The following DECR2 variants were observed in gnomAD, a reference collection of about 807,000 sequenced individuals.
DECR2 encodes 2,4-dienoyl-CoA reductase 2.
Under a neutral mutation model 29.2 loss-of-function variants are expected in DECR2, and 34 were observed. The observed-to-expected ratio is 1.16, with a 90% confidence interval of 0.89 to 1.55. The LOEUF (loss-of-function observed/expected upper bound fraction) is 1.55. Ranked by LOEUF, DECR2 falls within the 40% of genes most tolerant of loss-of-function variation. DECR2 has a pLI of 0.00. For synonymous variants in DECR2, 224 were observed against 182.7 expected (o/e 1.23, Z -1.82); for missense variants, 485 against 425.3 (o/e 1.14, Z -1.23).
Position 407,575 on chromosome 16 carries a change from A to G in DECR2, c.337+15A>G. The G allele has an allele frequency of 6.2e-7, 1 of 1,613,232 alleles. No individual in the cohort carries two copies. The highest frequency in any genetic ancestry group is 1.1e-5 in the South Asian group (1 of 91,032). On this transcript the variant is annotated intron_variant, in intron 4 of 8. Coordinates refer to ENST00000219481, the MANE Select transcript of DECR2 (RefSeq NM_020664.4). Reference sequence around the variant, plus strand: ...TCTCATTAACTGTGAGTCGGTGCTGAGTGAGGTTGGTGGCTTCTCACAGGT... The same window carrying G: ...TCTCATTAACTGTGAGTCGGTGCTGGGTGAGGTTGGTGGCTTCTCACAGGT...
Position 410,007 on chromosome 16 carries a change from G to A in DECR2, c.338-236G>A. Reference sequence around the variant, plus strand: ...CACCCCATTTCCAAACAAGGCCACAGTCGCAGGTACGGAGCCAGGGCTTCA... The same window carrying A: ...CACCCCATTTCCAAACAAGGCCACAATCGCAGGTACGGAGCCAGGGCTTCA... On this transcript the variant is annotated intron_variant, in intron 4 of 8. Coordinates refer to ENST00000219481, the MANE Select transcript of DECR2 (RefSeq NM_020664.4). This position sits in a 1 kb window ranked among gnomAD's most constrained non-coding sequence, Gnocchi z 4.1. 1 of 546,082 alleles carries A rather than the reference G, an allele frequency of 1.8e-6. No individual in the cohort carries two copies. Among genetic ancestry groups the A allele is most frequent in the East Asian group, 3.0e-5 (1 of 33,642 alleles). The allele number at this position is 546,082 out of a possible 1,614,324, so 33.8% of individuals were successfully genotyped here. A position where few individuals can be genotyped will look rare whatever the true frequency, so the allele number is the denominator to read the frequency against.
At position 410,775 on chromosome 16, in the gene DECR2, G is replaced by A; in HGVS notation, c.547G>A (p.Ala183Thr). ...ALQVHAGSAK[A>T]AVDAMTRHLA... ...CCAGGTGCATGCAGGCTCCGCCAAG[G>A]CCGCTGTGGGTATGACCACCCCCCC... The change falls in exon 6 of 9, where the codon GCC becomes ACC. Residue 183 changes from alanine to threonine, a missense_variant. By Grantham distance (58) the Ala-to-Thr change is moderately conservative. Coordinates refer to ENST00000219481, the MANE Select transcript of DECR2 (RefSeq NM_020664.4). This position sits in a 1 kb window ranked among gnomAD's most constrained non-coding sequence, Gnocchi z 4.1. 6.3e-7 allele frequency: 1 copy of A among 1,596,634 alleles called. No individual in the cohort carries two copies. Among genetic ancestry groups the A allele is most frequent in the Non-Finnish European group, 8.5e-7 (1 of 1,173,336 alleles).
intron 1 of DECR2, chr16:403,101 C>A: frequency 2.3e-6 from 2 of 879,948 alleles, no homozygotes; most frequent in Non-Finnish European, 2.7e-6. Flanking sequence ...TGGGTTGAAG[C>A]AATTCTCCTG....
chr16:407,733 T>C (rs1421788555), intron 4 of DECR2, among the ~76,000 whole-genome samples, 173 bp downstream of exon 4: 2 of 151,700 alleles, frequency 1.3e-5, no homozygotes, highest in African/African-American at 2.4e-5. Flanking sequence ...TCCGGCCCCC[T>C]GTCTCCGGCC....
chr16:410,741 G>A lies in DECR2; in HGVS notation c.513G>A (p.Gly171=). The part of the protein sequence containing the change: ...VNITATLGNR[G]QALQVHAGSA... ...TCACTGCCACCCTGGGGAACCGGGG[G>A]CAGGCGCTCCAGGTGCATGCAGGCT... The change falls in exon 6 of 9, where the codon GGG becomes GGA. Residue 171 remains glycine (G), a synonymous_variant. Coordinates refer to ENST00000219481, the MANE Select transcript of DECR2 (RefSeq NM_020664.4). The surrounding 1 kb of genome is among the most constrained non-coding windows in gnomAD (Gnocchi z 4.1). 4.4e-6 allele frequency: 7 copies of A among 1,607,724 alleles called. No individual in the cohort carries two copies. Among genetic ancestry groups the A allele is most frequent in the Non-Finnish European group, 5.9e-6 (7 of 1,178,732 alleles).
Position 411,585 on chromosome 16 carries a change from T to TA in DECR2, c.*8dup. On this transcript the variant is annotated splice_region_variant and intron_variant, in intron 8 of 8. Transcript: ENST00000219481. The stretch of plus-strand genomic sequence containing the variant: ...CTTCTCTGCTAAGCTCTAGGTGAGG[T>TA]ACTGCTCCCGCTTCTTGGGGTCATC... 2 of 1,604,906 alleles carry TA rather than the reference T, an allele frequency of 1.2e-6. No homozygotes were observed. The highest frequency in any genetic ancestry group is 8.5e-7 in the Non-Finnish European group (1 of 1,174,100).
At chr16:411,658 C>G in intron 8 of DECR2, 80 bp downstream of exon 8, 2 of 1,471,018 alleles carry the variant, frequency 1.4e-6, no homozygotes, top group South Asian at 2.6e-5. Context: ...CTGCGGGACC[C>G]ACGGGGCTGG....
At chr16:404,034 G>T (rs547805343) in intron 1 of DECR2, among the ~76,000 whole-genome samples, 1 of 151,578 alleles carries the variant, frequency 6.6e-6, no homozygotes, top group Non-Finnish European at 1.5e-5. Flanking sequence ...TTAGCTGGGC[G>T]TGGTGGCAGG....
At position 403,293 on chromosome 16, in the gene DECR2, G is replaced by A. The variant is rs1424927718; in HGVS notation, c.80+1250G>A. Among the ~76,000 whole-genome samples, 4 of 152,240 alleles carry A rather than the reference G, an allele frequency of 2.6e-5. No homozygotes were observed. The South Asian group carries it at 8.3e-4, about 32-fold the overall frequency. Reference sequence around the variant, plus strand: ...CCTCGGCCTCCCAAAGTGCTGGGATGACAGGAGTGAGACGCTGCACCTGGC... The same window carrying A: ...CCTCGGCCTCCCAAAGTGCTGGGATAACAGGAGTGAGACGCTGCACCTGGC... On this transcript the variant is annotated intron_variant, in intron 1 of 8. Coordinates refer to ENST00000219481, the MANE Select transcript of DECR2 (RefSeq NM_020664.4).
chr16:404,530 G>A (rs1422566156), intron 1 of DECR2, among the ~76,000 whole-genome samples: 2 of 152,114 alleles, frequency 1.3e-5, no homozygotes, highest in African/African-American at 2.4e-5. Context: ...GTGAGCCAAG[G>A]CACCTGGCCG....
chr16:402,007 C>A lies in DECR2; in HGVS notation c.44C>A (p.Pro15His). The A allele has an allele frequency of 6.7e-7, 1 of 1,489,094 alleles. No homozygotes were observed. Among genetic ancestry groups the A allele is most frequent in the East Asian group, 2.9e-5 (1 of 34,562 alleles). 92.2% of individuals were successfully genotyped at this position (1,489,094 alleles called of 1,614,324 possible). The change falls in exon 1 of 9, where the codon CCC (proline) becomes CAC (histidine). Residue 15 changes from proline to histidine, a missense_variant. Physicochemically the swap from Pro to His is moderately conservative, Grantham distance 77. Transcript: ENST00000219481. ...PPDVEGDDCL[P>H]AYRHLFCPDL... ...GACGTGGAGGGGGACGACTGTCTCC[C>A]CGCGTACCGCCACCTCTTCTGCCCG...
Position 402,025 on chromosome 16 carries a change from T to C in DECR2, c.62T>C (p.Phe21Ser). Reference sequence around the variant, plus strand: ...TGTCTCCCCGCGTACCGCCACCTCTTCTGCCCGGACCTGCTGCGGTGAGCG... The same window carrying C: ...TGTCTCCCCGCGTACCGCCACCTCTCCTGCCCGGACCTGCTGCGGTGAGCG... ...DDCLPAYRHL[F>S]CPDLLRDKVA... The change falls in exon 1 of 9, where the codon TTC becomes TCC. Residue 21 changes from phenylalanine to serine, a missense_variant. By Grantham distance (155) the Phe-to-Ser change is radical (BLOSUM62 -2). Transcript: ENST00000219481. 2 of 1,484,042 alleles carry C rather than the reference T, an allele frequency of 1.3e-6. No homozygotes were observed. Among genetic ancestry groups the C allele is most frequent in the Non-Finnish European group, 1.8e-6 (2 of 1,123,636 alleles). The allele number at this position is 1,484,042 out of a possible 1,614,324, so 91.9% of individuals were successfully genotyped here.
In DECR2 at chr16:410,975, C is replaced by T. The variant is rs765990942; in HGVS notation, c.560C>T (p.Ala187Val). Residue 187 changes from alanine (A) to valine (V), a missense_variant, in exon 7 of 9, where the codon GCG becomes GTG. Transcript: ENST00000219481. The surrounding 1 kb of genome is among the most constrained non-coding windows in gnomAD (Gnocchi z 4.1). ...TATCCAACTTTCTTCTGTGCAGACG[C>T]GATGACGCGGCACTTGGCTGTGGAG... ...HAGSAKAAVD[A>V]MTRHLAVEWG... is the part of the protein sequence containing the mutation. The T allele has an allele frequency of 1.8e-5, 29 of 1,596,740 alleles. No homozygotes were observed. The East Asian group carries it at 3.0e-4, about 16-fold the overall frequency.
chr16:406,512 T>TC lies in DECR2; in HGVS notation c.201+116dup, dbSNP rs1480350724. 2.3e-5 allele frequency: 25 copies of TC among 1,076,370 alleles called. No individual in the cohort carries two copies. The Admixed American group carries it at 4.5e-4, about 19-fold the overall frequency. 66.7% of individuals were successfully genotyped at this position (1,076,370 alleles called of 1,614,324 possible). A position where few individuals can be genotyped will look rare whatever the true frequency, so the allele number is the denominator to read the frequency against. ...GATGTTGGCACCAAAACTTTTTTTT[T>TC]CTGAGACGGGAGTCTCGCTCTGTCA... On this transcript the variant is annotated intron_variant, in intron 3 of 8. Coordinates refer to ENST00000219481, the MANE Select transcript of DECR2 (RefSeq NM_020664.4).
At position 410,763 on chromosome 16, in the gene DECR2, G is replaced by C. The variant is rs766475255; in HGVS notation, c.535G>C (p.Gly179Arg). The C allele has an allele frequency of 9.4e-6, 15 of 1,603,212 alleles. No individual in the cohort carries two copies. Among genetic ancestry groups the C allele is most frequent in the African/African-American group, 1.3e-5 (1 of 74,802 alleles). ...GGGGCAGGCGCTCCAGGTGCATGCA[G>C]GCTCCGCCAAGGCCGCTGTGGGTAT... ...NRGQALQVHA[G>R]SAKAAVDAMT... Residue 179 changes from glycine (G) to arginine (R), a missense_variant, in exon 6 of 9, where the codon GGC becomes CGC. Physicochemically the swap from Gly to Arg is moderately radical, Grantham distance 125 (BLOSUM62 -2). Coordinates refer to ENST00000219481, the MANE Select transcript of DECR2 (RefSeq NM_020664.4). The surrounding 1 kb of genome is among the most constrained non-coding windows in gnomAD (Gnocchi z 4.1).
At chr16:408,181 G>C (rs1238783302) in intron 4 of DECR2, among the ~76,000 whole-genome samples, 12 of 117,382 alleles carry the variant, frequency 1.0e-4, no homozygotes, top group Non-Finnish European at 1.0e-4. Context: ...CTGTCTCCGG[G>C]CCTCTGTCTC....
chr16:403,541 G>T (rs1438057230), intron 1 of DECR2, among the ~76,000 whole-genome samples: 1 of 152,136 alleles, frequency 6.6e-6, no homozygotes, highest in Non-Finnish European at 1.5e-5. Context: ...TAGGAGAGAG[G>T]AAATTATAAC....
chr16:405,599 A>C, intron 2 of DECR2: 1 of 1,304,254 alleles, frequency 7.7e-7, no homozygotes, highest in South Asian at 1.2e-5. Flanking sequence ...GTGGGCAAGC[A>C]ACCCCCGAAC....
intron 1 of DECR2, among the ~76,000 whole-genome samples, chr16:402,256 A>G (rs1393744196): frequency 1.3e-5 from 2 of 149,430 alleles, no homozygotes; most frequent in Non-Finnish European, 3.0e-5. Flanking sequence ...CTCACTGCAA[A>G]CTCTGCCTCC....
Sources: gnomAD v4.1 joint callset for allele counts (sites outside exome capture counted in the v4.1 genomes callset) on GRCh38, gnomAD v4.1.1 for gene constraint, Gnocchi (gnomAD v3.1) non-coding constraint, MANE v1.5 for transcripts, NCBI Gene and HGNC (gene_info 2026-07-23, HGNC 2026-07-21) for gene names.